PLEKHG7: variants seen among roughly 807,000 people sequenced by gnomAD.
The protein encoded by PLEKHG7 is pleckstrin homology domain-containing family G member 7.
In PLEKHG7, 77 loss-of-function variants were observed where a neutral mutation model predicts 85.2. The ratio of observed to expected loss-of-function variants is 0.90; its 90% CI spans 0.75 to 1.09. PLEKHG7 has a LOEUF of 1.09. Ranked by LOEUF, PLEKHG7 falls within the 50% of genes least tolerant of loss-of-function variation. The pLI, the probability that PLEKHG7 is intolerant of heterozygous loss-of-function variation, is 0.00. For missense variants in PLEKHG7, 777 were observed against 804.3 expected (o/e 0.97, Z 0.41); for synonymous variants, 301 against 302.4 (o/e 1.00, Z 0.05).
At chr12:92,731,942 C>A (rs942019194) in intron 4 of PLEKHG7, among the ~76,000 whole-genome samples, 1 of 152,162 alleles carries the variant, frequency 6.6e-6, no homozygotes, top group Non-Finnish European at 1.5e-5. Flanking sequence ...TTATAGATTT[C>A]CTTTCAAGCA....
intron 14 of PLEKHG7, among the ~76,000 whole-genome samples, chr12:92,762,919 C>T (rs570667612): frequency 3.3e-5 from 5 of 152,158 alleles, no homozygotes; most frequent in African/African-American, 1.2e-4. Flanking sequence ...AATGGGTGTA[C>T]GAGAATATTA....
rs753656859 is a variant in PLEKHG7, at chr12:92,707,116, C to T, written c.485C>T (p.Thr162Ile). 6.2e-7 allele frequency: 1 copy of T among 1,613,488 alleles called. No homozygotes were observed. The highest frequency in any genetic ancestry group is 1.3e-5 in the African/African-American group (1 of 75,054). ...QQEGHFLPSP[T>I]LRHPSPQGEE... is the part of the protein sequence containing the mutation. ...GAAGGCCACTTCCTGCCCAGCCCCACCCTACGACACCCTAGTCCTCAGGTA... is the reference window on the plus strand; with the variant it reads ...GAAGGCCACTTCCTGCCCAGCCCCATCCTACGACACCCTAGTCCTCAGGTA... The change falls in exon 2 of 17, where the codon ACC becomes ATC. Residue 162 changes from threonine to isoleucine, a missense_variant. By Grantham distance (89) the Thr-to-Ile change is moderately conservative. Coordinates refer to ENST00000344636, the MANE Select transcript of PLEKHG7 (RefSeq NM_001377329.1).
intron 4 of PLEKHG7, among the ~76,000 whole-genome samples, chr12:92,730,520 G>T (rs1056851711): frequency 2.0e-5 from 3 of 152,116 alleles, no homozygotes; most frequent in Admixed American, 6.5e-5. Context: ...TGTTTGTTGT[G>T]GTGGTGGTGG....
At chr12:92,704,695 A>G (rs1871181400) in intron 1 of PLEKHG7, among the ~76,000 whole-genome samples, 1 of 152,226 alleles carries the variant, frequency 6.6e-6, no homozygotes, top group Admixed American at 6.5e-5. Context: ...GTTGTTCCTC[A>G]AACAACTCAC....
At chr12:92,735,672 G>A (rs1181567993) in intron 5 of PLEKHG7, among the ~76,000 whole-genome samples, 1 of 152,032 alleles carries the variant, frequency 6.6e-6, no homozygotes, top group Non-Finnish European at 1.5e-5. Context: ...TCATGATGTC[G>A]CAATAGAATA....
intron 13 of PLEKHG7, among the ~76,000 whole-genome samples, chr12:92,758,116 C>A (rs1185114232): frequency 6.6e-6 from 1 of 152,168 alleles, no homozygotes; most frequent in Admixed American, 6.5e-5. Flanking sequence ...AAGAACAAAT[C>A]AAAGTAATAA....
rs1283358612 is a variant in PLEKHG7 at position 92,770,508 on chromosome 12, T to G, written c.*313T>G. ...TGTAAAGGGTGAATGATCAGATAAA[T>G]GGAGTATCAGAAGGAAAACAATGTC... On this transcript the variant is annotated 3_prime_UTR_variant, in exon 17 of 17. Coordinates refer to ENST00000344636, the MANE Select transcript of PLEKHG7 (RefSeq NM_001377329.1). 1.5e-5 allele frequency: 4 copies of G among 260,062 alleles called. No individual in the cohort carries two copies. The highest frequency in any genetic ancestry group is 2.9e-5 in the Non-Finnish European group (4 of 137,972). 16.1% of individuals were successfully genotyped at this position (260,062 alleles called of 1,614,324 possible).
intron 3 of PLEKHG7, among the ~76,000 whole-genome samples, chr12:92,716,699 C>T (rs1038829979): frequency 1.9e-4 from 29 of 152,334 alleles, no homozygotes; most frequent in Admixed American, 1.9e-3. Context: ...GTACATTTCT[C>T]CCTTTTGGGT....
intron 14 of PLEKHG7, among the ~76,000 whole-genome samples, chr12:92,762,281 C>T (rs904917923): frequency 6.6e-6 from 1 of 152,164 alleles, no homozygotes; most frequent in African/African-American, 2.4e-5. Flanking sequence ...GTGGTTTCAA[C>T]ACTCATTCTG....
chr12:92,710,060 C>G (rs1871338260), intron 3 of PLEKHG7, among the ~76,000 whole-genome samples: 1 of 152,096 alleles, frequency 6.6e-6, no homozygotes, highest in South Asian at 2.1e-4. Context: ...GAACTAAGAC[C>G]TCTAGGCCAG....
At position 92,770,359 on chromosome 12, in the gene PLEKHG7, GA is replaced by G; in HGVS notation, c.*166del. 1 of 552,694 alleles carries G rather than the reference GA, an allele frequency of 1.8e-6. No homozygotes were observed. Among genetic ancestry groups the G allele is most frequent in the Non-Finnish European group, 3.2e-6 (1 of 316,336 alleles). The allele number at this position is 552,694 out of a possible 1,614,324, so 34.2% of individuals were successfully genotyped here. ...AGCTAGGAAAATCCTCAGTATAGAG[GA>G]ATAATGACTGCAACAAATTTGAACT... On this transcript the variant is annotated 3_prime_UTR_variant, in exon 17 of 17. Coordinates refer to ENST00000344636, the MANE Select transcript of PLEKHG7 (RefSeq NM_001377329.1).
At chr12:92,761,911 T>TA in intron 14 of PLEKHG7, 80 bp downstream of exon 14, 1 of 1,382,518 alleles carries the variant, frequency 7.2e-7, no homozygotes, top group Non-Finnish European at 9.3e-7. Context: ...TAAACTGTGG[T>TA]AAAAATATAA....
At chr12:92,751,573 C>T (rs544358567) in intron 10 of PLEKHG7, among the ~76,000 whole-genome samples, 15 of 151,840 alleles carry the variant, frequency 9.9e-5, no homozygotes, top group Admixed American at 7.9e-4. Flanking sequence ...GGAGTTTCAC[C>T]ATGTTGGCCA....
chr12:92,758,341 C>T (rs967188277), intron 13 of PLEKHG7, among the ~76,000 whole-genome samples: 2 of 152,182 alleles, frequency 1.3e-5, no homozygotes, highest in Non-Finnish European at 2.9e-5. Flanking sequence ...TTATGATCGA[C>T]AAAGTGGATG....
chr12:92,711,817 A>T (rs1056319428), intron 3 of PLEKHG7, among the ~76,000 whole-genome samples: 3 of 151,740 alleles, frequency 2.0e-5, no homozygotes, highest in Non-Finnish European at 4.4e-5. Flanking sequence ...AGCAGCCTGG[A>T]CCTGTTGCAG....
intron 10 of PLEKHG7, among the ~76,000 whole-genome samples, chr12:92,746,041 A>G (rs1261203853): frequency 6.6e-6 from 1 of 152,170 alleles, no homozygotes; most frequent in Non-Finnish European, 1.5e-5. Flanking sequence ...CACAATGTCA[A>G]TGTTGCCTCT....
chr12:92,733,450 T>C (rs1035311696), intron 5 of PLEKHG7, among the ~76,000 whole-genome samples: 2 of 152,206 alleles, frequency 1.3e-5, no homozygotes, highest in South Asian at 4.1e-4. Context: ...ATATGGAACA[T>C]ACTGTAAACA....
chr12:92,707,862 C>G, intron 3 of PLEKHG7, 190 bp downstream of exon 3: 5 of 919,718 alleles, frequency 5.4e-6, no homozygotes, highest in Non-Finnish European at 6.6e-6. Flanking sequence ...TTTAAGAGCA[C>G]AGCATTTGGG....
intron 9 of PLEKHG7, among the ~76,000 whole-genome samples, chr12:92,743,974 G>A (rs1248298192): frequency 5.9e-5 from 9 of 152,088 alleles, no homozygotes; most frequent in Admixed American, 5.2e-4. Flanking sequence ...CCTTTTCAAG[G>A]CCCAGCTATC....
Sources: allele counts gnomAD v4.1 joint callset (sites outside exome capture counted in the v4.1 genomes callset), GRCh38; gene constraint gnomAD v4.1.1; transcripts MANE v1.5; gene names NCBI Gene and HGNC (gene_info 2026-07-23, HGNC 2026-07-21).